Variants in NCALD observed in about 807,000 individuals in gnomAD.
NCALD encodes neurocalcin-delta.
Under a neutral mutation model 18.6 loss-of-function variants are expected in NCALD, and 10 were observed. The observed-to-expected ratio is 0.54, with a 90% CI of 0.33 to 0.91. The LOEUF is 0.91. Among genes scored for constraint, NCALD ranks in the 40% least tolerant of loss-of-function variants. The pLI is 0.03. For synonymous variants in NCALD, 88 were observed against 87.4 expected, an observed-to-expected ratio of 1.01 and a Z score of -0.04; for missense variants, 184 against 247.6, an observed-to-expected ratio of 0.74 and a Z score of 1.72.
intron 1 of NCALD, among the ~76,000 whole-genome samples, chr8:102,047,968 AG>A (rs1823308578): frequency 1.3e-5 from 2 of 152,352 alleles, no homozygotes; most frequent in South Asian, 4.1e-4. Flanking sequence ...CTTATAGACT[AG>A]ATGGTGCTTA....
chr8:102,061,251 T>C (rs1484920703), intron 1 of NCALD, among the ~76,000 whole-genome samples: 1 of 152,168 alleles, frequency 6.6e-6, no homozygotes. Context: ...CACTTACGGG[T>C]AGGAGCCCCC....
At chr8:101,911,277 A>C (rs1038363697) in intron 3 of NCALD, among the ~76,000 whole-genome samples, 1 of 151,474 alleles carries the variant, frequency 6.6e-6, no homozygotes, top group Non-Finnish European at 1.5e-5. Context: ...ACTTGAAAAA[A>C]AAAAGAGGAG....
chr8:101,927,927 A>T (rs893769269), intron 2 of NCALD, among the ~76,000 whole-genome samples: 3 of 152,204 alleles, frequency 2.0e-5, no homozygotes, highest in Non-Finnish European at 2.9e-5. Context: ...ACATATTTTT[A>T]AAAAACCTAA....
intron 1 of NCALD, among the ~76,000 whole-genome samples, chr8:102,034,605 G>T (rs2032151): frequency 0.33 from 49,499 of 151,974 alleles, 9,007 homozygotes; most frequent in African/African-American, 0.48. Context: ...TTATTGGGCT[G>T]TGTCATGGGG....
At chr8:101,837,916 G>C (rs915641137) in intron 4 of NCALD, among the ~76,000 whole-genome samples, 1 of 152,128 alleles carries the variant, frequency 6.6e-6, no homozygotes, top group African/African-American at 2.4e-5. Flanking sequence ...AATTCTATTT[G>C]TTGGTCTGTC....
intron 2 of NCALD, among the ~76,000 whole-genome samples, chr8:101,946,809 CAAAAAAA>C (rs71268537): frequency 1.5e-4 from 10 of 65,670 alleles, no homozygotes; most frequent in African/African-American, 2.5e-4. Context: ...CATCAATTAG[CAAAAAAA>C]AAAAAAAAAA....
chr8:101,809,613 C>T (rs1459013779), intron 4 of NCALD, among the ~76,000 whole-genome samples: 2 of 152,184 alleles, frequency 1.3e-5, no homozygotes, highest in African/African-American at 4.8e-5. Flanking sequence ...GTGGCATGAT[C>T]TCAGTTCACT....
At chr8:101,739,825 T>A (rs1810107686) in intron 1 of NCALD, among the ~76,000 whole-genome samples, 1 of 152,188 alleles carries the variant, frequency 6.6e-6, no homozygotes, top group South Asian at 2.1e-4. Context: ...GATGGCCTAC[T>A]GTGGGACTTC....
intron 4 of NCALD, among the ~76,000 whole-genome samples, chr8:101,848,919 A>C (rs762905845): frequency 1.3e-5 from 2 of 152,208 alleles, no homozygotes; most frequent in Admixed American, 1.3e-4. Flanking sequence ...ACGTATGTTC[A>C]TTGCAGCACT....
At chr8:101,988,916 A>C (rs1011612822) in intron 2 of NCALD, among the ~76,000 whole-genome samples, 2 of 151,604 alleles carry the variant, frequency 1.3e-5, no homozygotes, top group Non-Finnish European at 1.5e-5. Flanking sequence ...AAAAAAAAAA[A>C]AAAAAAAACA....
chr8:102,106,765 A>G (rs1409599793), intron 1 of NCALD, among the ~76,000 whole-genome samples: 1 of 152,114 alleles, frequency 6.6e-6, no homozygotes, highest in Non-Finnish European at 1.5e-5. Context: ...TCCTGTGTGT[A>G]ATGCATGCAC....
intron 1 of NCALD, chr8:102,124,206 C>G (rs1826039411): frequency 6.6e-6 from 1 of 152,124 alleles, no homozygotes; most frequent in African/African-American, 2.4e-5. Context: ...CTCTGGCTCC[C>G]GAGAAGCGGA....
chr8:102,000,759 C>A (rs573351525), intron 2 of NCALD, among the ~76,000 whole-genome samples: 1 of 152,210 alleles, frequency 6.6e-6, no homozygotes, highest in Non-Finnish European at 1.5e-5. Flanking sequence ...GATACCCAGG[C>A]AAACAGGGTC....
intron 2 of NCALD, among the ~76,000 whole-genome samples, chr8:102,003,652 T>C (rs1032797161): frequency 1.3e-5 from 2 of 152,116 alleles, no homozygotes; most frequent in Non-Finnish European, 2.9e-5. Flanking sequence ...AAACTGAATC[T>C]AGCAGCACAT....
chr8:101,985,305 A>AT (rs1166071929), intron 2 of NCALD, among the ~76,000 whole-genome samples: 1 of 151,494 alleles, frequency 6.6e-6, no homozygotes, highest in East Asian at 1.9e-4. Context: ...CACTCGACCC[A>AT]CCCCAGCTGA....
chr8:101,986,184 C>G (rs1820804988), intron 2 of NCALD, among the ~76,000 whole-genome samples: 2 of 152,130 alleles, frequency 1.3e-5, no homozygotes, highest in Non-Finnish European at 2.9e-5. Flanking sequence ...GCAGGTGCCA[C>G]CATGCCTGGC....
chr8:101,907,550 T>A (rs1817651594), intron 3 of NCALD, among the ~76,000 whole-genome samples: 1 of 151,564 alleles, frequency 6.6e-6, no homozygotes, highest in African/African-American at 2.4e-5. Context: ...ATTTCTTATT[T>A]AATAAAATAG....
intron 4 of NCALD, among the ~76,000 whole-genome samples, chr8:101,851,989 C>T (rs576483905): frequency 6.6e-6 from 1 of 152,198 alleles, no homozygotes; most frequent in South Asian, 2.1e-4. Flanking sequence ...CCCCTTCTAC[C>T]ATATGAGGAC....
chr8:101,978,969 C>A (rs1820521871), intron 2 of NCALD, among the ~76,000 whole-genome samples: 1 of 152,142 alleles, frequency 6.6e-6, no homozygotes, highest in African/African-American at 2.4e-5. Flanking sequence ...AACAAGGAAG[C>A]AGTTTTTCAG....
Sources: gnomAD v4.1 joint callset for allele counts (sites outside exome capture counted in the v4.1 genomes callset) on GRCh38, gnomAD v4.1.1 for gene constraint, MANE v1.5 for transcripts, NCBI Gene and HGNC (gene_info 2026-07-23, HGNC 2026-07-21) for gene names.